BCR: variants seen among roughly 807,000 people sequenced by gnomAD.
The protein encoded by BCR is breakpoint cluster region protein.
In BCR, 58 loss-of-function variants were observed where a neutral mutation model predicts 138.6. That is an observed-to-expected ratio of 0.42 (90% CI 0.34 to 0.52). The LOEUF is 0.52. Among genes scored for constraint, BCR ranks in the 20% least tolerant of loss-of-function variants. The pLI is 0.06. For missense variants in BCR, 1,599 were observed against 1,727.2 expected (o/e 0.93, Z 1.32); for synonymous variants, 786 against 730.1 (o/e 1.08, Z -1.23).
chr22:23,260,689 ACT>A (rs1172611321), intron 2 of BCR, among the ~76,000 whole-genome samples: 8 of 152,222 alleles, frequency 5.3e-5, no homozygotes, highest in African/African-American at 9.6e-5. Flanking sequence ...TCCGCACCAA[ACT>A]CTGTTTCGTG....
chr22:23,285,668 A>G (rs1315608719), intron 10 of BCR, among the ~76,000 whole-genome samples: 3 of 152,172 alleles, frequency 2.0e-5, no homozygotes, highest in Non-Finnish European at 2.9e-5. Context: ...AACTTAACCT[A>G]GGCAAACACC....
chr22:23,315,555 T>C lies in BCR; in HGVS notation c.*33T>C, dbSNP rs555022810. The C allele has an allele frequency of 1.3e-4, 209 of 1,595,174 alleles. 1 individual carries two copies. In the East Asian group the frequency reaches 2.3e-3, roughly 17 times the overall value. ...AGTCCATCTCCTGGAGGCGGACAGA[T>C]GGCCTGGAAACCTCTGGCTAATCGG... On this transcript the variant is annotated 3_prime_UTR_variant, in exon 23 of 23. Coordinates refer to ENST00000305877, the MANE Select transcript of BCR (RefSeq NM_004327.4).
chr22:23,262,694 CGGG>C, intron 4 of BCR: 3 of 176,706 alleles, frequency 1.7e-5, no homozygotes, highest in Non-Finnish European at 2.3e-5. Flanking sequence ...CCGGGAATGG[CGGG>C]CCCGGGTGAG....
intron 9 of BCR, 92 bp from the exon 10 acceptor site, chr22:23,284,941 C>T (rs116955189): frequency 4.6e-4 from 659 of 1,424,998 alleles, no homozygotes; most frequent in Non-Finnish European, 6.1e-4. Flanking sequence ...CATGTATGGC[C>T]GAGAACACTG....
Position 23,202,755 on chromosome 22 carries a change from A to C in BCR, c.1279+20516A>C, listed in dbSNP as rs199991233. 1.1e-4 allele frequency among the ~76,000 whole-genome samples: 11 copies of C among 97,968 alleles called. No homozygotes were observed. In the South Asian group the frequency reaches 4.1e-3, roughly 36 times the overall value. 64.3% of individuals were successfully genotyped at this position (97,968 alleles called of 152,430 possible). ...TGTGTGTGTGTGTGTGTGTATATAT[A>C]TATATATTTAATCTATCATTCATTG... On this transcript the variant is annotated intron_variant, in intron 1 of 22. Coordinates refer to ENST00000305877, the MANE Select transcript of BCR (RefSeq NM_004327.4).
At chr22:23,200,266 C>G (rs2072537083) in intron 1 of BCR, among the ~76,000 whole-genome samples, 1 of 152,106 alleles carries the variant, frequency 6.6e-6, no homozygotes, top group Non-Finnish European at 1.5e-5. Context: ...GGTGGTCTGT[C>G]CCTGACTGCA....
intron 1 of BCR, among the ~76,000 whole-genome samples, chr22:23,233,325 T>C (rs539798809): frequency 6.6e-6 from 1 of 152,328 alleles, no homozygotes; most frequent in Admixed American, 6.5e-5. Context: ...GCAGCCTGCG[T>C]TGCTTCTCTG....
intron 16 of BCR, among the ~76,000 whole-genome samples, chr22:23,296,280 A>G (rs936181572): frequency 6.6e-6 from 1 of 150,412 alleles, no homozygotes; most frequent in Non-Finnish European, 1.5e-5. Context: ...AGGCCGAGGC[A>G]GGAGAATGGC....
At chr22:23,238,151 A>G (rs539616217) in intron 1 of BCR, among the ~76,000 whole-genome samples, 1 of 152,224 alleles carries the variant, frequency 6.6e-6, no homozygotes, top group East Asian at 1.9e-4. Flanking sequence ...CCCTCTGGTC[A>G]TCCCGGTCAT....
chr22:23,195,713 T>TC (rs1435209492), intron 1 of BCR, among the ~76,000 whole-genome samples: 1 of 151,794 alleles, frequency 6.6e-6, no homozygotes, highest in Non-Finnish European at 1.5e-5. Flanking sequence ...ATGGTGACAC[T>TC]CCATCTCTAC....
intron 1 of BCR, chr22:23,251,338 G>A (rs926277308): frequency 1.3e-5 from 2 of 152,244 alleles, no homozygotes; most frequent in Admixed American, 6.5e-5. Flanking sequence ...CTATAGCTTC[G>A]GATTCAGCAG....
chr22:23,254,333 C>T (rs1238215626), intron 2 of BCR, among the ~76,000 whole-genome samples: 9 of 152,120 alleles, frequency 5.9e-5, no homozygotes. Context: ...GCTTCATAGC[C>T]TTCTTGCTCC....
intron 8 of BCR, among the ~76,000 whole-genome samples, chr22:23,281,965 G>A (rs1377066045): frequency 1.3e-5 from 2 of 152,230 alleles, no homozygotes; most frequent in African/African-American, 4.8e-5. Flanking sequence ...AGAGTGGGCT[G>A]GGTCTGCAGT....
chr22:23,210,163 C>T (rs1014630420), intron 1 of BCR, among the ~76,000 whole-genome samples: 11 of 152,128 alleles, frequency 7.2e-5, no homozygotes, highest in African/African-American at 2.4e-4. Flanking sequence ...GCAGCTCACA[C>T]CTGTATTACC....
intron 11 of BCR, 137 bp downstream of exon 11, chr22:23,287,415 A>T (rs7292656): frequency 0.29 from 385,157 of 1,342,716 alleles, 59,070 homozygotes; most frequent in African/African-American, 0.49. Flanking sequence ...GCAAGCACGC[A>T]CATTCCTTTG....
At position 23,254,875 on chromosome 22, in the gene BCR, C is replaced by T. The variant is rs2073275253; in HGVS notation, c.1461+895C>T. Among the ~76,000 whole-genome samples, 3 of 152,072 alleles carry T rather than the reference C, an allele frequency of 2.0e-5. No homozygotes were observed. In the South Asian group the frequency reaches 6.2e-4, roughly 32 times the overall value. Reference sequence around the variant, plus strand: ...GCTTAGCTTATTTCTAGATGGTTTCCACCATAGCCTGGCATGGTGGCTCAC... The same window carrying T: ...GCTTAGCTTATTTCTAGATGGTTTCTACCATAGCCTGGCATGGTGGCTCAC... On this transcript the variant is annotated intron_variant, in intron 2 of 22. Transcript: ENST00000305877.
intron 7 of BCR, 116 bp downstream of exon 7, chr22:23,273,249 G>T: frequency 8.8e-7 from 1 of 1,142,688 alleles, no homozygotes; most frequent in South Asian, 1.4e-5. Flanking sequence ...GGGTGCTACT[G>T]GCATCTAATG....
intron 1 of BCR, among the ~76,000 whole-genome samples, chr22:23,190,209 C>T (rs986908386): frequency 2.0e-5 from 3 of 152,088 alleles, no homozygotes; most frequent in African/African-American, 7.2e-5. Flanking sequence ...CTCTTGTCAC[C>T]CAGACTGGAG....
rs1383629599 is a variant in BCR at position 23,273,175 on chromosome 22, C to A, written c.1974+42C>A. ...CTCTGGACCGGGACCAAAACTGCCCCCTCGGGCACACACAGCAACAATGTT... is the reference window on the plus strand; with the variant it reads ...CTCTGGACCGGGACCAAAACTGCCCACTCGGGCACACACAGCAACAATGTT... On this transcript the variant is annotated intron_variant, in intron 7 of 22. Transcript: ENST00000305877. The A allele has an allele frequency of 1.9e-6, 3 of 1,594,680 alleles. No individual in the cohort carries two copies. The African/African-American group carries it at 4.0e-5, about 21-fold the overall frequency.
Sources: allele counts gnomAD v4.1 joint callset (sites outside exome capture counted in the v4.1 genomes callset), GRCh38; gene constraint gnomAD v4.1.1; transcripts MANE v1.5; gene names NCBI Gene and HGNC (gene_info 2026-07-23, HGNC 2026-07-21).